Variants in PAK3 observed in about 807,000 individuals in gnomAD.
PAK3 encodes p21 (RAC1) activated kinase 3.
In PAK3, 4 loss-of-function variants were observed where a neutral mutation model predicts 41.0. That is an observed-to-expected ratio of 0.10 (90% CI 0.05 to 0.22). PAK3 has a LOEUF of 0.22. Ranked by LOEUF, PAK3 falls within the 10% of genes least tolerant of loss-of-function variation. PAK3 has a pLI of 1.00. For missense variants in PAK3, 205 were observed against 409.9 expected (o/e 0.50, Z 4.32); for synonymous variants, 146 against 139.6 (o/e 1.05, Z -0.32).
chrX:111,192,018 T>C (rs2094565022), intron 11 of PAK3, 109 bp from the exon 12 acceptor site: 1 of 509,956 alleles, frequency 2.0e-6, no homozygotes, highest in African/African-American at 2.4e-5. Context: ...ACCTCATAAT[T>C]TTGAGTTTGC....
At chrX:110,967,429 T>C (rs1327488511) in intron 1 of PAK3, among the ~76,000 whole-genome samples, 1 of 111,233 alleles carries the variant, frequency 9.0e-6, no homozygotes, top group African/African-American at 3.3e-5. Flanking sequence ...AAGGCATAAC[T>C]AGGGGCCACA....
chrX:111,043,599 C>T (rs1050536338), intron 1 of PAK3, among the ~76,000 whole-genome samples: 5 of 111,618 alleles, frequency 4.5e-5, no homozygotes, highest in Admixed American at 2.9e-4. Context: ...GATTTGAAGC[C>T]CAGAATAAAG....
intron 1 of PAK3, among the ~76,000 whole-genome samples, chrX:111,082,077 A>T (rs1320819138): frequency 8.9e-6 from 1 of 112,355 alleles, no homozygotes; most frequent in African/African-American, 3.2e-5. Context: ...AATAAAATTA[A>T]AAAAAATGAA....
At chrX:111,150,997 G>T (rs2094019103) in intron 7 of PAK3, among the ~76,000 whole-genome samples, 1 of 111,235 alleles carries the variant, frequency 9.0e-6, no homozygotes. Flanking sequence ...TGTCTGATTT[G>T]GCCATATCAA....
At chrX:111,198,457 A>G (rs923812083) in intron 16 of PAK3, among the ~76,000 whole-genome samples, 1 of 112,494 alleles carries the variant, frequency 8.9e-6, no homozygotes, top group Non-Finnish European at 1.9e-5. Flanking sequence ...TTATAGCTTT[A>G]GGTTTTACAT....
chrX:111,042,977 T>A (rs928407797), intron 1 of PAK3, among the ~76,000 whole-genome samples: 1 of 111,540 alleles, frequency 9.0e-6, no homozygotes, highest in East Asian at 2.8e-4. Flanking sequence ...ACAGTAGAGA[T>A]TAGTAAACAT....
At chrX:111,079,857 C>T (rs2092819455) in intron 1 of PAK3, among the ~76,000 whole-genome samples, 1 of 111,818 alleles carries the variant, frequency 8.9e-6, no homozygotes, top group African/African-American at 3.3e-5. Flanking sequence ...GATTCCAACC[C>T]TCTTAGATGA....
chrX:111,194,765 T>A (rs1426348029), intron 14 of PAK3, among the ~76,000 whole-genome samples: 1 of 112,210 alleles, frequency 8.9e-6, no homozygotes, highest in Non-Finnish European at 1.9e-5. Context: ...TACATGATAC[T>A]TATTTTATCC....
intron 4 of PAK3, among the ~76,000 whole-genome samples, chrX:111,112,382 T>A (rs151325089): frequency 0.046 from 5,020 of 110,184 alleles, 141 homozygotes; most frequent in African/African-American, 0.097. Context: ...TCTCTGTCTC[T>A]GTCCTTCTAT....
intron 5 of PAK3, among the ~76,000 whole-genome samples, chrX:111,131,602 C>CA (rs1016617528): frequency 3.6e-5 from 4 of 109,786 alleles, no homozygotes; most frequent in African/African-American, 1.3e-4. Context: ...GTCTTTATAC[C>CA]AAAAAAAATT....
At chrX:110,998,085 A>C (rs1325032207) in intron 1 of PAK3, among the ~76,000 whole-genome samples, 1 of 112,003 alleles carries the variant, frequency 8.9e-6, no homozygotes, top group Non-Finnish European at 1.9e-5. Context: ...TCCAAGCTGG[A>C]GATGTCAAAT....
intron 11 of PAK3, among the ~76,000 whole-genome samples, chrX:111,190,757 C>T (rs1473695758): frequency 9.0e-6 from 1 of 111,665 alleles, no homozygotes; most frequent in Non-Finnish European, 1.9e-5. Flanking sequence ...GAAAATAATT[C>T]CTGGACTCAG....
chrX:110,977,316 G>T (rs895713472), intron 1 of PAK3, among the ~76,000 whole-genome samples: 2 of 110,884 alleles, frequency 1.8e-5, no homozygotes, highest in Non-Finnish European at 3.8e-5. Context: ...ATATTGGGAA[G>T]TATTAGTCCT....
chrX:111,156,924 A>G (rs955481348), intron 8 of PAK3, among the ~76,000 whole-genome samples: 1 of 112,271 alleles, frequency 8.9e-6, no homozygotes, highest in Non-Finnish European at 1.9e-5. Context: ...TGACATATTT[A>G]GAATCCTAAG....
At chrX:111,068,853 T>C (rs2092720764) in intron 1 of PAK3, among the ~76,000 whole-genome samples, 1 of 112,573 alleles carries the variant, frequency 8.9e-6, no homozygotes, top group Non-Finnish European at 1.9e-5. Flanking sequence ...TGTTTATGTT[T>C]TTAATTTATA....
At position 111,194,234 on chromosome X, in the gene PAK3, C is replaced by T. The variant is rs2094589634; in HGVS notation, c.993-67C>T. 3 of 653,499 alleles carry T rather than the reference C, an allele frequency of 4.6e-6. No homozygotes were observed. In the South Asian group the frequency reaches 6.5e-5, roughly 14 times the overall value. 53.9% of individuals were successfully genotyped at this position (653,499 alleles called of 1,213,427 possible). On this transcript the variant is annotated intron_variant, in intron 13 of 17. Transcript: ENST00000372007. ...AGTTGACTTCTATCAGAACTGAGGCCTGGGAATATCAGAGTCCCCAGGTTT... is the reference window on the plus strand; with the variant it reads ...AGTTGACTTCTATCAGAACTGAGGCTTGGGAATATCAGAGTCCCCAGGTTT...
chrX:111,205,454 G>A, intron 16 of PAK3, among the ~76,000 whole-genome samples: 1 of 110,947 alleles, frequency 9.0e-6, no homozygotes, highest in East Asian at 2.8e-4. Flanking sequence ...GTCTCTATGA[G>A]TACTTTCAGA....
intron 8 of PAK3, among the ~76,000 whole-genome samples, chrX:111,154,504 A>G (rs772200501): frequency 4.2e-4 from 47 of 111,515 alleles, no homozygotes; most frequent in Non-Finnish European, 3.6e-4. Context: ...GTGATAATGT[A>G]CATAAAGTAC....
chrX:111,192,232 A>T, intron 12 of PAK3, 57 bp downstream of exon 12: 2 of 756,893 alleles, frequency 2.6e-6, no homozygotes, highest in South Asian at 4.3e-5. Flanking sequence ...TTTAACAGTT[A>T]TCTTCTTCGA....
Sources: gnomAD v4.1 joint callset for allele counts (sites outside exome capture counted in the v4.1 genomes callset) on GRCh38, gnomAD v4.1.1 for gene constraint, MANE v1.5 for transcripts, NCBI Gene and HGNC (gene_info 2026-07-23, HGNC 2026-07-21) for gene names.